APP: variants seen among roughly 807,000 people sequenced by gnomAD.
APP encodes amyloid-beta precursor protein.
A neutral mutation model predicts 101.4 loss-of-function variants in APP; 31 were observed. The ratio of observed to expected loss-of-function variants is 0.31; its 90% CI spans 0.23 to 0.41. The LOEUF is 0.41. Ranked by LOEUF, APP falls within the 10% of genes least tolerant of loss-of-function variation. The probability of loss-of-function intolerance (pLI) is 1.00; values close to 1 mark genes in which losing one functional copy is unlikely to be tolerated. For missense variants in APP, 839 were observed against 1,003.7 expected, an observed-to-expected ratio of 0.84 and a Z score of 2.22; for synonymous variants, 366 against 364.4, an observed-to-expected ratio of 1.00 and a Z score of -0.05.
At chr21:25,938,107 A>G (rs185050820) in intron 13 of APP, among the ~76,000 whole-genome samples, 124 of 152,298 alleles carry the variant, frequency 8.1e-4, no homozygotes, top group Admixed American at 2.0e-3. Flanking sequence ...GATACAGTTA[A>G]TGGACATTAA....
At chr21:25,901,841 G>A (rs1048435737) in intron 15 of APP, among the ~76,000 whole-genome samples, 11 of 151,820 alleles carry the variant, frequency 7.2e-5, no homozygotes, top group Non-Finnish European at 1.3e-4. Context: ...CTCGGGTCAA[G>A]GACCTGGTTT....
At chr21:25,890,452 C>T (rs1273223034) in intron 17 of APP, among the ~76,000 whole-genome samples, 1 of 152,144 alleles carries the variant, frequency 6.6e-6, no homozygotes, top group Non-Finnish European at 1.5e-5. Flanking sequence ...ATGGAAAAAG[C>T]AATGGGGGCC....
chr21:26,099,830 A>G lies in APP; in HGVS notation c.226-9758T>C, dbSNP rs889540532. On this transcript the variant is annotated intron_variant, in intron 2 of 17. Transcript: ENST00000346798. The stretch of plus-strand genomic sequence containing the variant: ...CGCTACTGCAATAATGGGAGGTATC[A>G]GCATGCTATGTTTCCAAATGATGGC... Among the ~76,000 whole-genome samples the G allele has an allele frequency of 3.3e-5, 5 of 152,360 alleles. No homozygotes were observed. The South Asian group carries it at 8.3e-4, about 25-fold the overall frequency.
intron 3 of APP, among the ~76,000 whole-genome samples, chr21:26,076,726 T>C (rs553322059): frequency 1.3e-4 from 20 of 152,326 alleles, no homozygotes; most frequent in South Asian, 8.3e-4. Flanking sequence ...AATTCAAAGT[T>C]AGGACGCCTT....
intron 17 of APP, among the ~76,000 whole-genome samples, chr21:25,886,425 GCT>G (rs2037331863): frequency 1.3e-5 from 2 of 150,478 alleles, no homozygotes; most frequent in South Asian, 4.2e-4. Flanking sequence ...AGACAGTCTT[GCT>G]CTGTCACCCA....
intron 1 of APP, among the ~76,000 whole-genome samples, chr21:26,131,312 G>A (rs1230895389): frequency 3.3e-5 from 5 of 151,900 alleles, no homozygotes; most frequent in Admixed American, 6.6e-5. Flanking sequence ...GAAAAGGCCC[G>A]TAAAACAAAA....
chr21:26,078,568 T>C (rs963491012), intron 3 of APP, among the ~76,000 whole-genome samples: 2 of 152,214 alleles, frequency 1.3e-5, no homozygotes, highest in Non-Finnish European at 2.9e-5. Flanking sequence ...AGAATCGTAA[T>C]AATAGCTGTC....
intron 13 of APP, among the ~76,000 whole-genome samples, chr21:25,944,841 A>G (rs1222173966): frequency 6.6e-6 from 1 of 152,224 alleles, no homozygotes; most frequent in South Asian, 2.1e-4. Flanking sequence ...CATCTGCTCT[A>G]GTGTTCCATG....
chr21:26,062,946 T>G (rs1408834772), intron 3 of APP, among the ~76,000 whole-genome samples: 1 of 152,016 alleles, frequency 6.6e-6, no homozygotes, highest in Non-Finnish European at 1.5e-5. Flanking sequence ...GTATTTTTAG[T>G]AGACATGGGG....
intron 13 of APP, among the ~76,000 whole-genome samples, chr21:25,936,113 A>C (rs1348847356): frequency 6.6e-6 from 1 of 152,224 alleles, no homozygotes; most frequent in East Asian, 1.9e-4. Context: ...GCCAACTGCT[A>C]TGGATCGAAC....
At chr21:25,914,499 C>G (rs1173264977) in intron 13 of APP, among the ~76,000 whole-genome samples, 1 of 147,148 alleles carries the variant, frequency 6.8e-6, no homozygotes, top group African/African-American at 2.5e-5. Flanking sequence ...TGTGCATCTG[C>G]CATGTGAGAA....
At chr21:25,896,302 G>T (rs1468918367) in intron 16 of APP, among the ~76,000 whole-genome samples, 2 of 152,004 alleles carry the variant, frequency 1.3e-5, no homozygotes, top group Non-Finnish European at 2.9e-5. Flanking sequence ...ACAATTATTT[G>T]GAGTCAAGTA....
At chr21:25,898,059 A>C (rs958883772) in intron 15 of APP, 3 of 209,340 alleles carry the variant, frequency 1.4e-5, no homozygotes, top group Admixed American at 5.4e-5. Context: ...ATGTGCACTC[A>C]TTACTTCAGA....
In APP at chr21:25,883,315, A is replaced by G. The variant is rs1224156414; in HGVS notation, c.2212-1544T>C. Among the ~76,000 whole-genome samples the G allele has an allele frequency of 3.3e-5, 5 of 152,176 alleles. No individual in the cohort carries two copies. The East Asian group carries it at 9.7e-4, about 29-fold the overall frequency. On this transcript the variant is annotated intron_variant, in intron 17 of 17. Transcript: ENST00000346798. ...CTGCTCCACAGGCGGAGGCAGGAGA[A>G]TGGCTTGAACTTGGGGGGTGGAGTT...
intron 3 of APP, among the ~76,000 whole-genome samples, chr21:26,069,773 T>C (rs1200720978): frequency 6.6e-6 from 1 of 152,204 alleles, no homozygotes; most frequent in African/African-American, 2.4e-5. Flanking sequence ...TTTCAGGCAT[T>C]TTCCAAATAA....
At chr21:25,917,859 C>A (rs548139992) in intron 13 of APP, among the ~76,000 whole-genome samples, 1 of 148,538 alleles carries the variant, frequency 6.7e-6, no homozygotes, top group South Asian at 2.2e-4. Context: ...AAAAAGTGGG[C>A]AAAGGATATG....
intron 5 of APP, among the ~76,000 whole-genome samples, chr21:26,033,261 T>C (rs2044925598): frequency 6.6e-6 from 1 of 152,156 alleles, no homozygotes; most frequent in Non-Finnish European, 1.5e-5. Context: ...CTCGTGACAG[T>C]GAGGGAGTTC....
At chr21:25,945,899 C>A in intron 13 of APP, 1 of 455,680 alleles carries the variant, frequency 2.2e-6, no homozygotes, top group Non-Finnish European at 4.4e-6. Flanking sequence ...CCATTCTGGT[C>A]TTGAACTTCT....
intron 2 of APP, among the ~76,000 whole-genome samples, chr21:26,093,530 T>C (rs1210172491): frequency 6.6e-6 from 1 of 152,208 alleles, no homozygotes; most frequent in East Asian, 1.9e-4. Context: ...GTTGGTTGCA[T>C]ACCATCTTCA....
Sources: allele counts gnomAD v4.1 joint callset (sites outside exome capture counted in the v4.1 genomes callset), GRCh38; gene constraint gnomAD v4.1.1; transcripts MANE v1.5; gene names NCBI Gene and HGNC (gene_info 2026-07-23, HGNC 2026-07-21).